Variants in RARB observed in about 807,000 individuals in gnomAD.
RARB encodes the protein HBV-activated protein.
Under a neutral mutation model 51.9 loss-of-function variants are expected in RARB, and 17 were observed. The observed-to-expected ratio is 0.33, with a 90% CI of 0.22 to 0.49. The LOEUF (loss-of-function observed/expected upper bound fraction) is 0.49, where lower values mean the gene tolerates loss of function less well. Among genes scored for constraint, RARB ranks in the 20% least tolerant of loss-of-function variants. The probability of loss-of-function intolerance (pLI) is 0.99; values close to 1 mark genes in which losing one functional copy is unlikely to be tolerated. For synonymous variants in RARB, 215 were observed against 195.4 expected, an observed-to-expected ratio of 1.10 and a Z score of -0.84; for missense variants, 369 against 550.8, an observed-to-expected ratio of 0.67 and a Z score of 3.30.
At chr3:24,853,576 C>T (rs1169529947) in intron 1 of RARB, among the ~76,000 whole-genome samples, 1 of 152,108 alleles carries the variant, frequency 6.6e-6, no homozygotes, top group Non-Finnish European at 1.5e-5. Flanking sequence ...CATCTGAACA[C>T]AATAGAAAGT....
At chr3:25,357,911 C>G (rs1193833001) in intron 5 of RARB, among the ~76,000 whole-genome samples, 1 of 152,106 alleles carries the variant, frequency 6.6e-6, no homozygotes, top group East Asian at 1.9e-4. Flanking sequence ...GTTACTGTAG[C>G]CTTGTAGTAT....
At chr3:25,225,541 T>C (rs964463718) in intron 5 of RARB, among the ~76,000 whole-genome samples, 2 of 152,184 alleles carry the variant, frequency 1.3e-5, no homozygotes, top group African/African-American at 4.8e-5. Context: ...CTAGAATCTT[T>C]AAATTCCCAA....
At position 25,394,782 on chromosome 3, in the gene RARB, A is replaced by G. The variant is rs138752148; in HGVS notation, c.179-66411A>G. 2.6e-3 allele frequency among the ~76,000 whole-genome samples: 403 copies of G among 152,206 alleles called. 2 individuals carry two copies. The highest frequency in any genetic ancestry group is 9.2e-3 in the African/African-American group (383 of 41,548). ...TTTTCCACCCCTTTACCTTAAGTTT[A>G]TGTGAGTCTTTATGTGTTAGGTGAG... On this transcript the variant is annotated intron_variant, in intron 5 of 11. Transcript: ENST00000383772.
chr3:24,854,108 C>A (rs911092017), intron 1 of RARB, among the ~76,000 whole-genome samples: 7 of 152,122 alleles, frequency 4.6e-5, no homozygotes, highest in African/African-American at 1.4e-4. Context: ...CAGAGACTTG[C>A]ATTTGACAGT....
chr3:24,952,875 ATT>A (rs150342797), intron 2 of RARB, among the ~76,000 whole-genome samples: 1 of 149,392 alleles, frequency 6.7e-6, no homozygotes, highest in South Asian at 2.1e-4. Context: ...TAAAACTGGT[ATT>A]TTTTTTGTTT....
intron 3 of RARB, among the ~76,000 whole-genome samples, chr3:25,529,013 CCTG>C (rs1403750606): frequency 1.3e-5 from 2 of 151,858 alleles, no homozygotes; most frequent in Non-Finnish European, 2.9e-5. Flanking sequence ...GTGGCTCTCT[CCTG>C]CTCAAAATTG....
chr3:25,459,202 T>C (rs1695050988), intron 1 of RARB, among the ~76,000 whole-genome samples: 1 of 152,192 alleles, frequency 6.6e-6, no homozygotes, highest in Admixed American at 6.5e-5. Context: ...AGAAATCATC[T>C]CTGGGAAGGT....
At chr3:24,946,731 T>C (rs1365770712) in intron 2 of RARB, among the ~76,000 whole-genome samples, 4 of 152,034 alleles carry the variant, frequency 2.6e-5, no homozygotes, top group African/African-American at 9.7e-5. Context: ...CTTAGCCAGA[T>C]GTGGTACACC....
chr3:24,877,254 G>A (rs947592309), intron 2 of RARB, among the ~76,000 whole-genome samples: 2 of 150,046 alleles, frequency 1.3e-5, no homozygotes, highest in Admixed American at 6.7e-5. Context: ...CTGAAAAAGA[G>A]GATAAATACA....
intron 3 of RARB, among the ~76,000 whole-genome samples, chr3:25,112,844 A>C (rs1489237540): frequency 6.6e-6 from 1 of 152,176 alleles, no homozygotes; most frequent in East Asian, 1.9e-4. Flanking sequence ...TCGATATTCT[A>C]TTTTGAGGGC....
intron 4 of RARB, among the ~76,000 whole-genome samples, chr3:25,170,606 G>C (rs145294135): frequency 6.5e-4 from 99 of 152,176 alleles, no homozygotes; most frequent in Non-Finnish European, 1.2e-3. Flanking sequence ...TTGAATTGTC[G>C]AGAAGTATAA....
intron 2 of RARB, among the ~76,000 whole-genome samples, chr3:25,045,004 G>A (rs1698184878): frequency 6.6e-6 from 1 of 152,148 alleles, no homozygotes; most frequent in African/African-American, 2.4e-5. Flanking sequence ...GTTCTACTTG[G>A]AGGAATGGAC....
intron 5 of RARB, chr3:25,259,080 T>A: frequency 1.0e-6 from 1 of 985,190 alleles, no homozygotes; most frequent in Non-Finnish European, 1.2e-6. Flanking sequence ...TGAGAAACAG[T>A]ACAGCAACCA....
At chr3:25,010,703 T>G (rs763505843) in intron 2 of RARB, among the ~76,000 whole-genome samples, 1 of 152,124 alleles carries the variant, frequency 6.6e-6, no homozygotes, top group African/African-American at 2.4e-5. Context: ...AGCAAGGTGA[T>G]GCTTAGGAAG....
intron 5 of RARB, among the ~76,000 whole-genome samples, chr3:25,334,679 A>T (rs1243803633): frequency 2.0e-5 from 3 of 152,066 alleles, no homozygotes; most frequent in African/African-American, 4.8e-5. Context: ...AAAGTGTAAT[A>T]AAAAAAGTAA....
At chr3:25,385,705 T>A (rs1338559176) in intron 5 of RARB, among the ~76,000 whole-genome samples, 1 of 152,154 alleles carries the variant, frequency 6.6e-6, no homozygotes, top group African/African-American at 2.4e-5. Flanking sequence ...TTTGCAGCAA[T>A]AGGTGATCTA....
intron 5 of RARB, among the ~76,000 whole-genome samples, chr3:25,188,528 G>A (rs547452072): frequency 1.4e-4 from 21 of 152,164 alleles, no homozygotes; most frequent in South Asian, 4.1e-4. Flanking sequence ...GGTCCTGATC[G>A]TGCAGTGGTA....
chr3:25,209,408 G>A (rs778684699), intron 5 of RARB, among the ~76,000 whole-genome samples: 2 of 152,214 alleles, frequency 1.3e-5, no homozygotes, highest in Admixed American at 1.3e-4. Flanking sequence ...AGCATATATA[G>A]ATGTGATGAA....
chr3:25,226,791 G>A (rs1468734767), intron 5 of RARB, among the ~76,000 whole-genome samples: 1 of 152,184 alleles, frequency 6.6e-6, no homozygotes, highest in Non-Finnish European at 1.5e-5. Flanking sequence ...ATTAGAAATA[G>A]ATCAAGATAT....
Sources: gnomAD v4.1 joint callset for allele counts (sites outside exome capture counted in the v4.1 genomes callset) on GRCh38, gnomAD v4.1.1 for gene constraint, MANE v1.5 for transcripts, NCBI Gene and HGNC (gene_info 2026-07-23, HGNC 2026-07-21) for gene names.